The following ITGB3 variants were observed in gnomAD, a reference collection of about 807,000 sequenced individuals.
The protein encoded by ITGB3 is integrin subunit beta 3.
In ITGB3, 48 loss-of-function variants were observed where a neutral mutation model predicts 85.8. The observed-to-expected ratio is 0.56, with a 90% CI of 0.44 to 0.71. The LOEUF is 0.71. Ranked by LOEUF, ITGB3 falls within the 30% of genes least tolerant of loss-of-function variation. The probability of loss-of-function intolerance (pLI) is 0.00; values close to 1 mark genes in which losing one functional copy is unlikely to be tolerated. For missense variants in ITGB3, 861 were observed against 1,019.1 expected, an observed-to-expected ratio of 0.84 and a Z score of 2.11; for synonymous variants, 363 against 395.6, an observed-to-expected ratio of 0.92 and a Z score of 0.98.
Position 47,290,217 on chromosome 17 carries a change from T to C in ITGB3, c.1068T>C (p.Val356=), listed in dbSNP as rs750050562. 1 of 1,614,126 alleles carries C rather than the reference T, an allele frequency of 6.2e-7. No individual in the cohort carries two copies. Among genetic ancestry groups the C allele is most frequent in the Non-Finnish European group, 8.5e-7 (1 of 1,179,956 alleles). The change falls in exon 8 of 15, where the codon GTT becomes GTC. Residue 356 remains valine, a synonymous_variant. Coordinates refer to ENST00000559488, the MANE Select transcript of ITGB3 (RefSeq NM_000212.3). Reference sequence around the variant, plus strand: ...GTGAGCTCATCCCAGGGACCACAGTTGGGGTTCTGTCCATGGATTCCAGCA... The same window carrying C: ...GTGAGCTCATCCCAGGGACCACAGTCGGGGTTCTGTCCATGGATTCCAGCA... ...NYSELIPGTT[V]GVLSMDSSNV...
Position 47,269,766 on chromosome 17 carries a change from C to G in ITGB3, c.80-4653C>G, listed in dbSNP as rs376419212. On this transcript the variant is annotated intron_variant, in intron 1 of 14. Transcript: ENST00000559488. ...ACTGTTGCAATTTCTGCCTGTTACT[C>G]AGTTCCAAAGTCACTTCCACATTTT... 7.2e-4 allele frequency among the ~76,000 whole-genome samples: 110 copies of G among 152,346 alleles called. 1 individual carries two copies. In the South Asian group the frequency reaches 0.022, roughly 30 times the overall value.
At chr17:47,286,127 C>A in intron 4 of ITGB3, 133 bp from the exon 5 acceptor site, 1 of 998,828 alleles carries the variant, frequency 1.0e-6, no homozygotes, top group Non-Finnish European at 1.6e-6. Flanking sequence ...TCTGAACTGT[C>A]TGGGTAACTG....
Position 47,287,250 on chromosome 17 carries a change from C to G in ITGB3, c.939+19C>G, listed in dbSNP as rs1284353425. The G allele has an allele frequency of 6.2e-7, 1 of 1,613,086 alleles. No individual in the cohort carries two copies. Among genetic ancestry groups the G allele is most frequent in the African/African-American group, 1.3e-5 (1 of 75,026 alleles). On this transcript the variant is annotated intron_variant, in intron 6 of 14. Transcript: ENST00000559488. ...TACCATGGTGAGATCTCTGGCACCA[C>G]CTATGGTTTCTATTCATGATTGTGA...
chr17:47,255,968 A>AAAAAT lies in ITGB3; in HGVS notation c.79+2031_79+2032insATAAA, dbSNP rs1555570624. 3.0e-3 allele frequency among the ~76,000 whole-genome samples: 449 copies of AAAAAT among 150,964 alleles called. 5 individuals are homozygous for AAAAAT. Among genetic ancestry groups the AAAAAT allele is most frequent in the East Asian group, 0.014 (71 of 5,118 alleles). ...AGAAATCCACCAGGGCAACTCAGTA[A>AAAAAT]AAATAAATAAATAAATAAATAAATA... On this transcript the variant is annotated intron_variant, in intron 1 of 14. Coordinates refer to ENST00000559488, the MANE Select transcript of ITGB3 (RefSeq NM_000212.3).
At chr17:47,302,894 A>G (rs2065172772) in intron 13 of ITGB3, 54 bp downstream of exon 13, 1 of 1,606,956 alleles carries the variant, frequency 6.2e-7, no homozygotes, top group Non-Finnish European at 8.5e-7. Flanking sequence ...AGGGAGAACC[A>G]TGTTAGGCAG....
intron 1 of ITGB3, among the ~76,000 whole-genome samples, chr17:47,258,165 C>T (rs911034394): frequency 1.3e-5 from 2 of 152,204 alleles, no homozygotes; most frequent in Non-Finnish European, 2.9e-5. Flanking sequence ...CCAGCCCTCT[C>T]TGCTGCCCAC....
In ITGB3 at chr17:47,267,782, A is replaced by T. The variant is rs985535654; in HGVS notation, c.80-6637A>T. 3.3e-5 allele frequency among the ~76,000 whole-genome samples: 5 copies of T among 152,206 alleles called. No individual in the cohort carries two copies. The South Asian group carries it at 8.3e-4, about 25-fold the overall frequency. On this transcript the variant is annotated intron_variant, in intron 1 of 14. Transcript: ENST00000559488. ...TATTGTGGCTACAAGTCAAGGACTC[A>T]TAGGGAAATGCTAATTTGAGAATGA...
intron 2 of ITGB3, among the ~76,000 whole-genome samples, chr17:47,276,250 C>G (rs911412680): frequency 6.6e-6 from 1 of 152,210 alleles, no homozygotes; most frequent in Non-Finnish European, 1.5e-5. Context: ...GTCTGTCCTG[C>G]TCCCTATCCC....
chr17:47,262,558 G>C lies in ITGB3; in HGVS notation c.79+8618G>C, dbSNP rs530797447. ...TGGCTGGAAGAGTGGATACTTCCAG[G>C]ACTGGCAGCACCTTGAAGATCATCA... On this transcript the variant is annotated intron_variant, in intron 1 of 14. Coordinates refer to ENST00000559488, the MANE Select transcript of ITGB3 (RefSeq NM_000212.3). Among the ~76,000 whole-genome samples the C allele has an allele frequency of 1.8e-4, 27 of 152,240 alleles. 1 individual carries two copies. Among genetic ancestry groups the C allele is most frequent in the Middle Eastern group, 3.4e-3 (1 of 294 alleles).
At chr17:47,262,069 T>A (rs1027616445) in intron 1 of ITGB3, among the ~76,000 whole-genome samples, 12 of 152,258 alleles carry the variant, frequency 7.9e-5, no homozygotes, top group Non-Finnish European at 1.8e-4. Context: ...TTCTACAGAC[T>A]TAATTTCTTG....
At position 47,292,544 on chromosome 17, in the gene ITGB3, C is replaced by T. The variant is rs370244559; in HGVS notation, c.1666C>T (p.Arg556Cys). Residue 556 changes from arginine to cysteine, a missense_variant, in exon 10 of 15, where the codon CGC becomes TGC. Transcript: ENST00000559488. ...YCECDDFSCV[R>C]YKGEMCSGHG... The stretch of plus-strand genomic sequence containing the variant: ...CGAGTGTGACGACTTCTCCTGTGTC[C>T]GCTACAAGGGGGAGATGTGCTCAGG... 1.4e-5 allele frequency: 23 copies of T among 1,601,482 alleles called. No homozygotes were observed. The highest frequency in any genetic ancestry group is 2.2e-5 in the East Asian group (1 of 44,888).
rs145010932 is a variant in ITGB3 at position 47,307,511 on chromosome 17, A to G, written c.2175A>G (p.Ser725=). 5.2e-5 allele frequency: 84 copies of G among 1,614,052 alleles called. No individual in the cohort carries two copies. Among genetic ancestry groups the G allele is most frequent in the Non-Finnish European group, 6.6e-5 (78 of 1,180,048 alleles). ...KGPDILVVLL[S]VMGAILLIGL... ...CTGACATCCTGGTGGTCCTGCTCTC[A>G]GTGATGGGGGCCATTCTGCTCATTG... The change falls in exon 14 of 15, where the codon TCA becomes TCG. Residue 725 remains serine (S), a synonymous_variant. Transcript: ENST00000559488.
rs548714203 is a variant in ITGB3 at position 47,271,936 on chromosome 17, A to C, written c.80-2483A>C. Among the ~76,000 whole-genome samples, 821 of 136,948 alleles carry C rather than the reference A, an allele frequency of 6.0e-3. 3 individuals carry two copies. Among genetic ancestry groups the C allele is most frequent in the Non-Finnish European group, 9.9e-3 (615 of 62,284 alleles). The allele number at this position is 136,948 out of a possible 152,430, so 89.8% of individuals were successfully genotyped here. A position where few individuals can be genotyped will look rare whatever the true frequency, so the allele number is the denominator to read the frequency against. ...GCCCAGCTAATTTTTTGTATTTTTA[A>C]TAGAGACGGGGTTTCACCATGTTGG... is the stretch of plus-strand genomic sequence containing the variant. On this transcript the variant is annotated intron_variant, in intron 1 of 14. Coordinates refer to ENST00000559488, the MANE Select transcript of ITGB3 (RefSeq NM_000212.3).
chr17:47,306,638 A>T (rs1195978491), intron 13 of ITGB3, among the ~76,000 whole-genome samples: 1 of 152,178 alleles, frequency 6.6e-6, no homozygotes, highest in Non-Finnish European at 1.5e-5. Context: ...TGATTATTCA[A>T]TATTGCCAAT....
Position 47,290,964 on chromosome 17 carries a change from C to T in ITGB3, c.1136C>T (p.Ser379Phe). The T allele has an allele frequency of 6.2e-7, 1 of 1,614,168 alleles. No individual in the cohort carries two copies. Among genetic ancestry groups the T allele is most frequent in the Non-Finnish European group, 8.5e-7 (1 of 1,180,018 alleles). Residue 379 changes from serine (S) to phenylalanine (F), a missense_variant, in exon 9 of 15, where the codon TCT (serine) becomes TTT (phenylalanine). Ser to Phe is a radical substitution (Grantham distance 155). Coordinates refer to ENST00000559488, the MANE Select transcript of ITGB3 (RefSeq NM_000212.3). ...CCCCTTTCTGCTCAGAAAATCCGTT[C>T]TAAAGTAGAGCTGGAAGTGCGTGAC... Reference protein sequence around the residue: ...LIVDAYGKIRSKVELEVRDLP... With the variant: ...LIVDAYGKIRFKVELEVRDLP...
At chr17:47,265,965 CTCCT>C (rs759243278) in intron 1 of ITGB3, among the ~76,000 whole-genome samples, 19 of 152,198 alleles carry the variant, frequency 1.2e-4, no homozygotes, top group Non-Finnish European at 2.1e-4. Context: ...CTGTCTCCTT[CTCCT>C]TCCTTGGGTT....
At chr17:47,260,756 T>G (rs568160281) in intron 1 of ITGB3, among the ~76,000 whole-genome samples, 1 of 152,172 alleles carries the variant, frequency 6.6e-6, no homozygotes, top group East Asian at 1.9e-4. Context: ...CCCTGGGCAG[T>G]TCTTGAAGGC....
At chr17:47,297,217 A>G (rs780407384) in intron 10 of ITGB3, among the ~76,000 whole-genome samples, 1 of 152,198 alleles carries the variant, frequency 6.6e-6, no homozygotes, top group Non-Finnish European at 1.5e-5. Context: ...ATAGAGGCTA[A>G]GCACTTGGGA....
chr17:47,307,820 A>G (rs2065195032), intron 14 of ITGB3, among the ~76,000 whole-genome samples, 183 bp downstream of exon 14: 1 of 152,078 alleles, frequency 6.6e-6, no homozygotes, highest in African/African-American at 2.4e-5. Flanking sequence ...GCCTCTTAGA[A>G]ATAGTGGCAG....
Sources: gnomAD v4.1 joint callset for allele counts (sites outside exome capture counted in the v4.1 genomes callset) on GRCh38, gnomAD v4.1.1 for gene constraint, MANE v1.5 for transcripts, NCBI Gene and HGNC (gene_info 2026-07-23, HGNC 2026-07-21) for gene names.